Variants in SLC5A12 observed in about 807,000 individuals in gnomAD.
The protein encoded by SLC5A12 is sodium-coupled monocarboxylate transporter 2.
A neutral mutation model predicts 72.7 loss-of-function variants in SLC5A12; 46 were observed. The ratio of observed to expected loss-of-function variants is 0.63; its 90% confidence interval spans 0.50 to 0.81. SLC5A12 has a LOEUF of 0.81. Ranked by LOEUF, SLC5A12 falls within the 30% of genes least tolerant of loss-of-function variation. SLC5A12 has a pLI of 0.00. For synonymous variants in SLC5A12, 275 were observed against 264.4 expected (o/e 1.04, Z -0.39); for missense variants, 683 against 740.7 (o/e 0.92, Z 0.90).
chr11:26,699,220 A>G (rs568604162), intron 6 of SLC5A12, among the ~76,000 whole-genome samples: 1 of 152,204 alleles, frequency 6.6e-6, no homozygotes, highest in Non-Finnish European at 1.5e-5. Flanking sequence ...TCAATTCCAG[A>G]GAGGACATGA....
At chr11:26,715,263 G>A (rs1327170905) in intron 1 of SLC5A12, among the ~76,000 whole-genome samples, 1 of 152,132 alleles carries the variant, frequency 6.6e-6, no homozygotes, top group Non-Finnish European at 1.5e-5. Context: ...AGTACATGTT[G>A]ATGGCATCTA....
intron 1 of SLC5A12, among the ~76,000 whole-genome samples, chr11:26,720,001 A>G (rs1049436766): frequency 2.0e-5 from 3 of 152,234 alleles, no homozygotes; most frequent in African/African-American, 7.2e-5. Flanking sequence ...TGTCTAAAAA[A>G]GATTGTTTTA....
intron 4 of SLC5A12, among the ~76,000 whole-genome samples, chr11:26,707,067 CTTG>C (rs1855106720): frequency 6.6e-6 from 1 of 151,740 alleles, no homozygotes; most frequent in South Asian, 2.1e-4. Context: ...CTCTTTGGTT[CTTG>C]ACATTCAACT....
chr11:26,690,165 A>AGTG (rs1440814126), intron 9 of SLC5A12, among the ~76,000 whole-genome samples: 2 of 152,106 alleles, frequency 1.3e-5, no homozygotes, highest in African/African-American at 4.8e-5. Context: ...TGGGATGGGG[A>AGTG]GTGGTGGTGG....
Position 26,668,611 on chromosome 11 carries a change from CG to C in SLC5A12, c.*2490del, listed in dbSNP as rs1051983575. 20 of 152,026 alleles carry C rather than the reference CG, an allele frequency of 1.3e-4. No individual in the cohort carries two copies. The highest frequency in any genetic ancestry group is 4.6e-4 in the African/African-American group (19 of 41,414). 9.4% of individuals were successfully genotyped at this position (152,026 alleles called of 1,614,324 possible). A position where few individuals can be genotyped will look rare whatever the true frequency, so the allele number is the denominator to read the frequency against. On this transcript the variant is annotated 3_prime_UTR_variant, in exon 15 of 15. Transcript: ENST00000396005. ...CTTTTGCTTCACCACACAACAAACACGGTTTTCATACACTATGGAAGACAGT... is the reference window on the plus strand; with the variant it reads ...CTTTTGCTTCACCACACAACAAACACGTTTTCATACACTATGGAAGACAGT...
chr11:26,691,458 T>C (rs1188377748), intron 9 of SLC5A12, among the ~76,000 whole-genome samples: 1 of 143,588 alleles, frequency 7.0e-6, no homozygotes, highest in Non-Finnish European at 1.5e-5. Context: ...AAGGTTTATG[T>C]ACATGTTTTT....
chr11:26,683,860 G>A lies in SLC5A12; in HGVS notation c.1222-17C>T, dbSNP rs1386880254. The A allele has an allele frequency of 6.3e-7, 1 of 1,575,580 alleles. No homozygotes were observed. Among genetic ancestry groups the A allele is most frequent in the South Asian group, 1.2e-5 (1 of 86,150 alleles). On this transcript the variant is annotated splice_polypyrimidine_tract_variant and intron_variant, in intron 10 of 14. Coordinates refer to ENST00000396005, the MANE Select transcript of SLC5A12 (RefSeq NM_178498.4). ...GAGGGAAGCCTGTGGAACAAAGGCA[G>A]ACCAGATGAATCCCCTACTCAAGGG...
intron 10 of SLC5A12, 94 bp downstream of exon 10, chr11:26,686,383 C>CA: frequency 9.1e-7 from 1 of 1,103,328 alleles, no homozygotes; most frequent in South Asian, 1.3e-5. Context: ...CATTAAATGT[C>CA]AGCCTTTGGA....
chr11:26,669,187 T>TTCTTTTCTTTTTCTTTCTTTCTTTCTTTC lies in SLC5A12; in HGVS notation c.*1914_*1915insGAAAGAAAGAAAGAAAGAAAAAGAAAAGA, dbSNP rs1554988603. The TTCTTTTCTTTTTCTTTCTTTCTTTCTTTC allele has an allele frequency of 2.7e-5, 3 of 110,942 alleles. No individual in the cohort carries two copies. The highest frequency in any genetic ancestry group is 5.9e-5 in the Non-Finnish European group (3 of 50,896). 6.9% of individuals were successfully genotyped at this position (110,942 alleles called of 1,614,324 possible). A position where few individuals can be genotyped will look rare whatever the true frequency, so the allele number is the denominator to read the frequency against. On this transcript the variant is annotated 3_prime_UTR_variant, in exon 15 of 15. Transcript: ENST00000396005. ...TGTCTTTTTCTTTCTTTCTTTCTTC[T>TTCTTTTCTTTTTCTTTCTTTCTTTCTTTC]TTTCTTTCTTTCTTTCTTTCTTTCT... is the stretch of plus-strand genomic sequence containing the variant.
chr11:26,679,846 G>T (rs1854350268), intron 12 of SLC5A12, among the ~76,000 whole-genome samples: 3 of 152,124 alleles, frequency 2.0e-5, no homozygotes, highest in Admixed American at 1.3e-4. Flanking sequence ...CCATGTGGTA[G>T]TAATGAGTTC....
intron 2 of SLC5A12, among the ~76,000 whole-genome samples, chr11:26,711,638 G>T (rs1855231503): frequency 6.6e-6 from 1 of 152,042 alleles, no homozygotes; most frequent in African/African-American, 2.4e-5. Flanking sequence ...TACAAAAATA[G>T]ACTTAATTAA....
At position 26,703,818 on chromosome 11, in the gene SLC5A12, T is replaced by C; in HGVS notation, c.655A>G (p.Asn219Asp). 6.2e-7 allele frequency: 1 copy of C among 1,613,952 alleles called. No individual in the cohort carries two copies. Among genetic ancestry groups the C allele is most frequent in the Non-Finnish European group, 8.5e-7 (1 of 1,179,862 alleles). Reference protein sequence around the residue: ...GFHNVLEQSTNGSRLHIFDFD... With the variant: ...GFHNVLEQSTDGSRLHIFDFD... The stretch of plus-strand genomic sequence containing the variant: ...TCAAATATATGTAGTCGAGATCCAT[T>C]TGTTGATTGCTCTAATACATTGTGG... Residue 219 changes from asparagine to aspartate, a missense_variant, in exon 5 of 15, where the codon AAT (asparagine) becomes GAT (aspartate). Asn to Asp is a conservative substitution (Grantham distance 23). Coordinates refer to ENST00000396005, the MANE Select transcript of SLC5A12 (RefSeq NM_178498.4).
intron 9 of SLC5A12, among the ~76,000 whole-genome samples, chr11:26,690,737 G>A (rs1854650309): frequency 6.7e-6 from 1 of 150,220 alleles, no homozygotes; most frequent in Admixed American, 6.6e-5. Flanking sequence ...AACCCAGGAG[G>A]TGGAGGTTGC....
In SLC5A12 at chr11:26,673,520, C is replaced by G. The variant is rs755321772; in HGVS notation, c.1589G>C (p.Arg530Thr). Residue 530 changes from arginine (R) to threonine (T), a missense_variant, in exon 14 of 15, where the codon AGA becomes ACA. Physicochemically the swap from Arg to Thr is moderately conservative, Grantham distance 71. Coordinates refer to ENST00000396005, the MANE Select transcript of SLC5A12 (RefSeq NM_178498.4). Reference protein sequence around the residue: ...VIISLITGRQRGEDIQPLLIR... With the variant: ...VIISLITGRQTGEDIQPLLIR... The stretch of plus-strand genomic sequence containing the variant: ...TAACAGTGGTTGAATATCCTCACCT[C>G]TTTGGCGACCTATTAACAAAAGAAC... The G allele has an allele frequency of 3.1e-6, 5 of 1,603,968 alleles. No homozygotes were observed. The South Asian group carries it at 3.4e-5, about 11-fold the overall frequency.
rs770369166 is a variant in SLC5A12 at position 26,671,057 on chromosome 11, G to A, written c.*45C>T. The A allele has an allele frequency of 6.5e-7, 1 of 1,547,354 alleles. No individual in the cohort carries two copies. Among genetic ancestry groups the A allele is most frequent in the Admixed American group, 1.8e-5 (1 of 56,146 alleles). On this transcript the variant is annotated 3_prime_UTR_variant, in exon 15 of 15. Coordinates refer to ENST00000396005, the MANE Select transcript of SLC5A12 (RefSeq NM_178498.4). ...AGAAGTATGTGGAGTTTGTGTGTGTGTGTGTGTATTGCACGTGTGTGTGTG... is the reference window on the plus strand; with the variant it reads ...AGAAGTATGTGGAGTTTGTGTGTGTATGTGTGTATTGCACGTGTGTGTGTG...
intron 13 of SLC5A12, among the ~76,000 whole-genome samples, chr11:26,676,372 A>G (rs933992391): frequency 2.0e-4 from 30 of 151,884 alleles, no homozygotes; most frequent in Admixed American, 1.8e-3. Flanking sequence ...AAAAAAAAAA[A>G]AAAAAAGAAA....
chr11:26,683,512 T>A (rs1854454987), intron 11 of SLC5A12, among the ~76,000 whole-genome samples: 1 of 152,194 alleles, frequency 6.6e-6, no homozygotes, highest in Admixed American at 6.5e-5. Flanking sequence ...AATTTAACCT[T>A]AAAGAGTCAG....
intron 3 of SLC5A12, 87 bp from the exon 4 acceptor site, chr11:26,709,466 T>C: frequency 9.9e-7 from 1 of 1,007,648 alleles, no homozygotes; most frequent in Non-Finnish European, 1.5e-6. Context: ...ACAATATTTT[T>C]ATCAGTGTTC....
Position 26,712,621 on chromosome 11 carries a change from C to T in SLC5A12, c.405+20G>A. On this transcript the variant is annotated intron_variant, in intron 2 of 14. Coordinates refer to ENST00000396005, the MANE Select transcript of SLC5A12 (RefSeq NM_178498.4). ...AGTAACCTCACAGTTTCCACATCTG[C>T]AGCAGCCATGACCACTTACCGTCTG... 1 of 1,506,496 alleles carries T rather than the reference C, an allele frequency of 6.6e-7. No homozygotes were observed. The highest frequency in any genetic ancestry group is 9.0e-7 in the Non-Finnish European group (1 of 1,105,774). 93.3% of individuals were successfully genotyped at this position (1,506,496 alleles called of 1,614,324 possible). A position where few individuals can be genotyped will look rare whatever the true frequency, so the allele number is the denominator to read the frequency against.
Sources: allele counts gnomAD v4.1 joint callset (sites outside exome capture counted in the v4.1 genomes callset), GRCh38; gene constraint gnomAD v4.1.1; transcripts MANE v1.5; gene names NCBI Gene and HGNC (gene_info 2026-07-23, HGNC 2026-07-21).